The following APOOL variants were observed in gnomAD, a reference collection of about 807,000 sequenced individuals.
APOOL encodes the protein apolipoprotein O like, also known as MICOS complex subunit MIC27.
A neutral mutation model predicts 23.1 loss-of-function variants in APOOL; 12 were observed. The observed-to-expected ratio is 0.52, with a 90% CI of 0.33 to 0.84. APOOL has a LOEUF of 0.84. Among genes scored for constraint, APOOL ranks in the 40% least tolerant of loss-of-function variants. APOOL has a pLI of 0.02. For synonymous variants in APOOL, 77 were observed against 69.9 expected (o/e 1.10, Z -0.51); for missense variants, 212 against 199.6 (o/e 1.06, Z -0.37).
chrX:85,049,586 C>A (rs887612810), intron 2 of APOOL, among the ~76,000 whole-genome samples: 2 of 110,907 alleles, frequency 1.8e-5, no homozygotes, highest in African/African-American at 6.6e-5. Flanking sequence ...GAATTGGAGA[C>A]CAGTCTGGGC....
At chrX:85,061,980 A>G (rs1347323424) in intron 5 of APOOL, among the ~76,000 whole-genome samples, 1 of 110,691 alleles carries the variant, frequency 9.0e-6, no homozygotes, top group Admixed American at 9.6e-5. Context: ...TTAAGATGTC[A>G]ATTTTAGATC....
At chrX:85,022,380 C>T (rs1000076861) in intron 1 of APOOL, among the ~76,000 whole-genome samples, 2 of 111,678 alleles carry the variant, frequency 1.8e-5, no homozygotes, top group African/African-American at 3.2e-5. Flanking sequence ...TTAAAATAAT[C>T]GTTTACCCTG....
intron 5 of APOOL, among the ~76,000 whole-genome samples, chrX:85,066,810 T>C (rs961602005): frequency 7.3e-5 from 8 of 110,261 alleles, no homozygotes; most frequent in Non-Finnish European, 1.5e-4. Flanking sequence ...AAAATTGTGG[T>C]TATAAATTTG....
chrX:85,087,566 C>G (rs747676371), intron 8 of APOOL, 24 bp from the exon 9 acceptor site: 4 of 1,159,077 alleles, frequency 3.5e-6, no homozygotes, highest in South Asian at 2.0e-5. Flanking sequence ...ACTAATTTTT[C>G]TTTTCATTTT....
chrX:85,034,066 A>T (rs183863704), intron 1 of APOOL, among the ~76,000 whole-genome samples: 44 of 111,211 alleles, frequency 4.0e-4, no homozygotes, highest in African/African-American at 1.2e-3. Flanking sequence ...GTTTTTGGCC[A>T]CAAGAGATTT....
intron 1 of APOOL, among the ~76,000 whole-genome samples, chrX:85,017,064 C>T (rs113837326): frequency 1.7e-3 from 190 of 112,034 alleles, no homozygotes; most frequent in African/African-American, 5.6e-3. Flanking sequence ...ATAAAGCTCC[C>T]AAGAGTTCAC....
chrX:85,049,078 T>A (rs1195026784), intron 2 of APOOL, among the ~76,000 whole-genome samples: 1 of 111,658 alleles, frequency 9.0e-6, no homozygotes, highest in Non-Finnish European at 1.9e-5. Flanking sequence ...CACTGAGAAA[T>A]AACAGAAAAA....
intron 1 of APOOL, among the ~76,000 whole-genome samples, chrX:85,039,780 G>A (rs1244897490): frequency 9.0e-6 from 1 of 111,478 alleles, no homozygotes; most frequent in Non-Finnish European, 1.9e-5. Context: ...TTTAATTTGA[G>A]CCTGTGGATG....
intron 8 of APOOL, among the ~76,000 whole-genome samples, chrX:85,076,238 A>G (rs1035572228): frequency 1.2e-4 from 13 of 111,352 alleles, no homozygotes; most frequent in Admixed American, 1.2e-3. Flanking sequence ...ACCAACACGC[A>G]GTACATAACA....
rs987372089 is a variant in APOOL at position 85,087,898 on chromosome X, C to G, written c.*220C>G. 2 of 278,606 alleles carry G rather than the reference C, an allele frequency of 7.2e-6. No individual in the cohort carries two copies. The highest frequency in any genetic ancestry group is 5.8e-5 in the African/African-American group (2 of 34,488). 23.0% of individuals were successfully genotyped at this position (278,606 alleles called of 1,213,427 possible). On this transcript the variant is annotated 3_prime_UTR_variant, in exon 9 of 9. Transcript: ENST00000373173. ...CAATATTAAATGATTGATGAGGAGA[C>G]TTAGGTAGAAGTATTAGCTTGCATT...
At chrX:85,083,702 A>T (rs1239670459) in intron 8 of APOOL, among the ~76,000 whole-genome samples, 1 of 111,954 alleles carries the variant, frequency 8.9e-6, no homozygotes, top group Non-Finnish European at 1.9e-5. Flanking sequence ...ATTTGTAACA[A>T]TCCTAACTTC....
chrX:85,024,802 C>T (rs1313834587), intron 1 of APOOL, among the ~76,000 whole-genome samples: 1 of 112,340 alleles, frequency 8.9e-6, no homozygotes, highest in Admixed American at 9.4e-5. Context: ...TCCCAGTTTT[C>T]ACCATCTGCC....
intron 1 of APOOL, among the ~76,000 whole-genome samples, chrX:85,018,307 G>A (rs1482279770): frequency 8.9e-6 from 1 of 111,768 alleles, no homozygotes; most frequent in South Asian, 3.7e-4. Context: ...AAGACAATGA[G>A]GAGCCAGTAT....
intron 8 of APOOL, among the ~76,000 whole-genome samples, chrX:85,081,084 C>T (rs1285122606): frequency 1.8e-5 from 2 of 111,483 alleles, no homozygotes; most frequent in Non-Finnish European, 3.8e-5. Context: ...GGCATTTAGC[C>T]CATTTACATT....
chrX:85,050,639 G>A (rs1031988283), intron 2 of APOOL, among the ~76,000 whole-genome samples: 1 of 108,454 alleles, frequency 9.2e-6, no homozygotes, highest in Non-Finnish European at 1.9e-5. Context: ...TTTAAAGGAA[G>A]TAAGTCCCTA....
At chrX:85,049,996 A>G (rs1006477170) in intron 2 of APOOL, among the ~76,000 whole-genome samples, 1 of 111,318 alleles carries the variant, frequency 9.0e-6, no homozygotes, top group Non-Finnish European at 1.9e-5. Flanking sequence ...TCTAGGGGAG[A>G]GAGGAAACTT....
At chrX:85,064,261 CT>C (rs1278042939) in intron 5 of APOOL, among the ~76,000 whole-genome samples, 2 of 106,300 alleles carry the variant, frequency 1.9e-5, no homozygotes, top group Non-Finnish European at 3.9e-5. Context: ...AATCTTCTCT[CT>C]TTTTTTCTTT....
intron 6 of APOOL, among the ~76,000 whole-genome samples, chrX:85,073,388 T>C (rs1406375857): frequency 1.8e-5 from 2 of 111,142 alleles, no homozygotes; most frequent in Admixed American, 1.9e-4. Context: ...TGAATGAAAA[T>C]AACGGTAACT....
intron 5 of APOOL, 118 bp downstream of exon 5, chrX:85,056,043 A>AT: frequency 2.1e-6 from 1 of 480,489 alleles, no homozygotes; most frequent in Admixed American, 5.0e-5. Flanking sequence ...TACTGTAAAG[A>AT]TTTTTAGATT....
Sources: allele counts gnomAD v4.1 joint callset (sites outside exome capture counted in the v4.1 genomes callset), GRCh38; gene constraint gnomAD v4.1.1; transcripts MANE v1.5; gene names NCBI Gene and HGNC (gene_info 2026-07-23, HGNC 2026-07-21).